Variants in STXBP6 observed in about 807,000 individuals in gnomAD.
STXBP6 encodes the protein syntaxin-binding protein 6.
In STXBP6, 21 loss-of-function variants were observed where a neutral mutation model predicts 26.9. The ratio of observed to expected loss-of-function variants is 0.78; its 90% confidence interval spans 0.55 to 1.12. The LOEUF (loss-of-function observed/expected upper bound fraction) is 1.12. Ranked by LOEUF, STXBP6 falls within the 50% of genes most tolerant of loss-of-function variation. The pLI, the probability that STXBP6 is intolerant of heterozygous loss-of-function variation, is 0.00. For synonymous variants in STXBP6, 97 were observed against 92.6 expected (o/e 1.05, Z -0.27); for missense variants, 232 against 257.9 (o/e 0.90, Z 0.69).
chr14:24,881,899 C>G (rs1221045458), intron 2 of STXBP6, among the ~76,000 whole-genome samples: 2 of 152,194 alleles, frequency 1.3e-5, no homozygotes, highest in African/African-American at 2.4e-5. Context: ...TGGGGAAGAT[C>G]TCCAATTTGC....
intron 1 of STXBP6, among the ~76,000 whole-genome samples, chr14:24,983,026 A>G (rs1389241988): frequency 6.6e-6 from 1 of 152,196 alleles, no homozygotes; most frequent in Non-Finnish European, 1.5e-5. Flanking sequence ...ACAAGTTTAA[A>G]TTCCAAGGAC....
At chr14:24,963,704 A>G (rs888841262) in intron 2 of STXBP6, among the ~76,000 whole-genome samples, 18 of 152,198 alleles carry the variant, frequency 1.2e-4, no homozygotes, top group African/African-American at 4.1e-4. Flanking sequence ...ACTCCATTAA[A>G]TGAACTCTTT....
intron 2 of STXBP6, among the ~76,000 whole-genome samples, chr14:24,931,431 T>G (rs2072404252): frequency 6.6e-6 from 1 of 152,162 alleles, no homozygotes; most frequent in Non-Finnish European, 1.5e-5. Context: ...AAAAAAAAGC[T>G]AAATGTTGAG....
intron 2 of STXBP6, among the ~76,000 whole-genome samples, chr14:24,904,347 T>C (rs2071315522): frequency 1.3e-5 from 2 of 152,210 alleles, no homozygotes; most frequent in African/African-American, 4.8e-5. Flanking sequence ...TTCTAATATA[T>C]TAGGTTGGTG....
chr14:24,822,337 A>G (rs1374849233), intron 4 of STXBP6, among the ~76,000 whole-genome samples: 1 of 152,100 alleles, frequency 6.6e-6, no homozygotes, highest in African/African-American at 2.4e-5. Context: ...CCTTTTTACC[A>G]TCCTCTTGCC....
intron 4 of STXBP6, among the ~76,000 whole-genome samples, chr14:24,833,734 T>C (rs779525918): frequency 6.6e-6 from 1 of 152,240 alleles, no homozygotes; most frequent in African/African-American, 2.4e-5. Context: ...AAACAAATTC[T>C]ATCAAAGATA....
intron 2 of STXBP6, among the ~76,000 whole-genome samples, chr14:24,952,525 AT>A (rs2073204108): frequency 6.6e-6 from 1 of 152,160 alleles, no homozygotes; most frequent in African/African-American, 2.4e-5. Flanking sequence ...ATAAAACTAA[AT>A]TTTTGAAGGG....
chr14:24,850,631 C>T (rs1428933021), intron 4 of STXBP6, among the ~76,000 whole-genome samples: 1 of 152,158 alleles, frequency 6.6e-6, no homozygotes, highest in African/African-American at 2.4e-5. Flanking sequence ...CCAGCTCAGC[C>T]ATCCCCTTAC....
intron 2 of STXBP6, among the ~76,000 whole-genome samples, chr14:24,908,596 C>T (rs2071462691): frequency 6.6e-6 from 1 of 152,192 alleles, no homozygotes; most frequent in Non-Finnish European, 1.5e-5. Flanking sequence ...TCCTCAATTG[C>T]ATCAAACATT....
intron 2 of STXBP6, among the ~76,000 whole-genome samples, chr14:24,889,080 C>T (rs2070695420): frequency 6.6e-6 from 1 of 151,908 alleles, no homozygotes; most frequent in Non-Finnish European, 1.5e-5. Flanking sequence ...CCCCATTAAA[C>T]AGCACAGCCA....
At chr14:24,927,152 T>C (rs955347874) in intron 2 of STXBP6, among the ~76,000 whole-genome samples, 2 of 152,174 alleles carry the variant, frequency 1.3e-5, no homozygotes, top group African/African-American at 4.8e-5. Context: ...CATGGAGAAT[T>C]AGGCACTGTT....
intron 4 of STXBP6, among the ~76,000 whole-genome samples, chr14:24,842,360 C>A (rs924393822): frequency 1.3e-5 from 2 of 152,224 alleles, no homozygotes; most frequent in Non-Finnish European, 2.9e-5. Flanking sequence ...GGAATTCAAA[C>A]TTCTTCCTTC....
intron 1 of STXBP6, among the ~76,000 whole-genome samples, chr14:25,025,788 G>A (rs1473962351): frequency 1.3e-5 from 2 of 152,154 alleles, no homozygotes; most frequent in Admixed American, 6.5e-5. Flanking sequence ...ACCTTTTGGA[G>A]TCCCTTAAAA....
intron 1 of STXBP6, among the ~76,000 whole-genome samples, chr14:25,005,078 A>G (rs1471858946): frequency 1.3e-5 from 2 of 152,262 alleles, no homozygotes; most frequent in South Asian, 2.1e-4. Context: ...AAAAGACACA[A>G]TCTCAGTGAA....
At chr14:24,882,448 C>T (rs1281970119) in intron 2 of STXBP6, among the ~76,000 whole-genome samples, 2 of 142,534 alleles carry the variant, frequency 1.4e-5, no homozygotes, top group South Asian at 2.3e-4. Flanking sequence ...GACTTGGTCC[C>T]AACTTCCTTA....
rs184691229 is a variant in STXBP6, at chr14:24,919,205, T to G, written c.154+55460A>C. On this transcript the variant is annotated intron_variant, in intron 2 of 5. Transcript: ENST00000323944. ...TAGCACACTCAGAAATCAAGTATTT[T>G]CGGGGCAATTTCTGCCTAAGATGCT... Among the ~76,000 whole-genome samples, 3 of 152,146 alleles carry G rather than the reference T, an allele frequency of 2.0e-5. No homozygotes were observed. The East Asian group carries it at 5.8e-4, about 29-fold the overall frequency.
chr14:24,842,972 C>T (rs1472759557), intron 4 of STXBP6, among the ~76,000 whole-genome samples: 1 of 152,088 alleles, frequency 6.6e-6, no homozygotes, highest in Non-Finnish European at 1.5e-5. Flanking sequence ...AGGGGAGTCA[C>T]AATTTTGGAA....
chr14:25,003,539 C>A (rs2074817364), intron 1 of STXBP6, among the ~76,000 whole-genome samples: 1 of 152,152 alleles, frequency 6.6e-6, no homozygotes, highest in Non-Finnish European at 1.5e-5. Flanking sequence ...AACCTAGCTA[C>A]CGGGCAGGAA....
intron 2 of STXBP6, among the ~76,000 whole-genome samples, chr14:24,972,669 G>A (rs886122808): frequency 2.6e-5 from 4 of 152,152 alleles, no homozygotes; most frequent in African/African-American, 4.8e-5. Context: ...CATTGTTTGC[G>A]TAAGCAGAAC....
Sources: allele counts gnomAD v4.1 joint callset (sites outside exome capture counted in the v4.1 genomes callset), GRCh38; gene constraint gnomAD v4.1.1; transcripts MANE v1.5; gene names NCBI Gene and HGNC (gene_info 2026-07-23, HGNC 2026-07-21).